SLMAP: variants seen among roughly 807,000 people sequenced by gnomAD.
SLMAP encodes the protein sarcolemma associated protein, also known as sarcolemmal membrane-associated protein.
A neutral mutation model predicts 128.8 loss-of-function variants in SLMAP; 44 were observed. The observed-to-expected ratio is 0.34, with a 90% CI of 0.27 to 0.44. The LOEUF (loss-of-function observed/expected upper bound fraction) is 0.44. Among genes scored for constraint, SLMAP ranks in the 20% least tolerant of loss-of-function variants. The pLI, the probability that SLMAP is intolerant of heterozygous loss-of-function variation, is 1.00. For synonymous variants in SLMAP, 327 were observed against 348.8 expected, an observed-to-expected ratio of 0.94 and a Z score of 0.70; for missense variants, 787 against 985.3, an observed-to-expected ratio of 0.80 and a Z score of 2.69.
intron 2 of SLMAP, among the ~76,000 whole-genome samples, chr3:57,789,124 A>G (rs183181248): frequency 2.0e-5 from 3 of 152,336 alleles, no homozygotes; most frequent in Admixed American, 1.3e-4. Context: ...TTATGTGTAA[A>G]TTGAAATCTT....
Position 57,854,953 on chromosome 3 carries a change from A to G in SLMAP, c.520-2780A>G, listed in dbSNP as rs1368692278. Among the ~76,000 whole-genome samples, 4 of 152,352 alleles carry G rather than the reference A, an allele frequency of 2.6e-5. No individual in the cohort carries two copies. The East Asian group carries it at 5.8e-4, about 22-fold the overall frequency. On this transcript the variant is annotated intron_variant, in intron 6 of 24. Coordinates refer to ENST00000671191, the MANE Select transcript of SLMAP (RefSeq NM_001377540.1). ...GTAGCCTATTACACACCTAGGCTAT[A>G]TAGTGTAGCCTATTGCTCCTAGGCT... is the stretch of plus-strand genomic sequence containing the variant.
chr3:57,831,169 C>T (rs1413989041), intron 2 of SLMAP, among the ~76,000 whole-genome samples: 1 of 151,974 alleles, frequency 6.6e-6, no homozygotes, highest in Non-Finnish European at 1.5e-5. Flanking sequence ...AGAGGTTGTA[C>T]CGTTTTATGT....
intron 6 of SLMAP, among the ~76,000 whole-genome samples, chr3:57,856,629 C>T (rs904570095): frequency 1.3e-5 from 2 of 152,064 alleles, no homozygotes; most frequent in African/African-American, 2.4e-5. Flanking sequence ...CTGGATACCT[C>T]CTAAAGGACC....
At chr3:57,916,548 T>G (rs1274908314) in intron 21 of SLMAP, among the ~76,000 whole-genome samples, 2 of 152,208 alleles carry the variant, frequency 1.3e-5, no homozygotes, top group Non-Finnish European at 2.9e-5. Flanking sequence ...GTATTTAAAC[T>G]TAAAAGAAAT....
intron 2 of SLMAP, among the ~76,000 whole-genome samples, chr3:57,807,414 GAT>G (rs1318157834): frequency 6.6e-6 from 1 of 152,180 alleles, no homozygotes; most frequent in East Asian, 1.9e-4. Flanking sequence ...CATTCAGTAT[GAT>G]ATTGGCTGTG....
intron 14 of SLMAP, among the ~76,000 whole-genome samples, chr3:57,888,527 G>C (rs889612041): frequency 4.6e-5 from 7 of 151,894 alleles, no homozygotes; most frequent in Admixed American, 3.9e-4. Context: ...CGAGGCAGGA[G>C]AATCATTTGA....
chr3:57,759,659 C>G (rs2078231562), intron 2 of SLMAP, among the ~76,000 whole-genome samples: 1 of 152,190 alleles, frequency 6.6e-6, no homozygotes, highest in Admixed American at 6.5e-5. Flanking sequence ...TAAGTAGTGC[C>G]TTAACTCAAC....
At chr3:57,913,546 TC>T (rs2096743860) in intron 21 of SLMAP, among the ~76,000 whole-genome samples, 1 of 152,120 alleles carries the variant, frequency 6.6e-6, no homozygotes, top group African/African-American at 2.4e-5. Context: ...ACAACAAAAG[TC>T]TGTAATTCAT....
intron 17 of SLMAP, chr3:57,898,899 C>G (rs1331492565): frequency 1.3e-5 from 2 of 152,056 alleles, no homozygotes; most frequent in Non-Finnish European, 2.9e-5. Context: ...CGAAAACCAA[C>G]TTTATAGGTT....
At chr3:57,815,172 C>T (rs1435602100) in intron 2 of SLMAP, among the ~76,000 whole-genome samples, 1 of 152,160 alleles carries the variant, frequency 6.6e-6, no homozygotes, top group Non-Finnish European at 1.5e-5. Context: ...TCACATGCAT[C>T]GTTCACAATA....
intron 13 of SLMAP, among the ~76,000 whole-genome samples, chr3:57,867,133 C>G (rs1012429488): frequency 5.3e-5 from 8 of 152,148 alleles, no homozygotes; most frequent in Admixed American, 4.6e-4. Context: ...GAGCCCAGAT[C>G]GTGCCACTGC....
In SLMAP at chr3:57,928,569, A is replaced by G. The variant is rs1347230685; in HGVS notation, c.*1280A>G. 1 of 152,216 alleles carries G rather than the reference A, an allele frequency of 6.6e-6. No individual in the cohort carries two copies. The highest frequency in any genetic ancestry group is 1.5e-5 in the Non-Finnish European group (1 of 68,024). 9.4% of individuals were successfully genotyped at this position (152,216 alleles called of 1,614,324 possible). A position where few individuals can be genotyped will look rare whatever the true frequency, so the allele number is the denominator to read the frequency against. ...ATATTATAAATTTAAAACACAAGTG[A>G]AAGTTTAGCCATGGTTTTGTGCGGC... On this transcript the variant is annotated 3_prime_UTR_variant, in exon 25 of 25. Transcript: ENST00000671191.
chr3:57,807,684 C>T (rs761626569), intron 2 of SLMAP, among the ~76,000 whole-genome samples: 71 of 152,266 alleles, frequency 4.7e-4, no homozygotes, highest in African/African-American at 7.2e-4. Flanking sequence ...CTGCTGGATT[C>T]GGTTTGCCAG....
intron 2 of SLMAP, among the ~76,000 whole-genome samples, chr3:57,822,198 A>C (rs562652125): frequency 2.2e-4 from 33 of 152,232 alleles, no homozygotes; most frequent in African/African-American, 7.9e-4. Context: ...AATTGGCTCT[A>C]TGTATTCTGA....
chr3:57,918,722 T>G (rs1186972192), intron 22 of SLMAP, among the ~76,000 whole-genome samples: 1 of 152,226 alleles, frequency 6.6e-6, no homozygotes, highest in Non-Finnish European at 1.5e-5. Flanking sequence ...TATTGCCTTT[T>G]ATTGATGCAC....
chr3:57,777,771 A>G (rs1263454583), intron 2 of SLMAP, among the ~76,000 whole-genome samples: 2 of 152,244 alleles, frequency 1.3e-5, no homozygotes, highest in Non-Finnish European at 2.9e-5. Context: ...GCAGCAATAA[A>G]CAAATGCTCA....
chr3:57,843,062 G>A lies in SLMAP; in HGVS notation c.419+1691G>A, dbSNP rs920692240. 2.0e-5 allele frequency among the ~76,000 whole-genome samples: 3 copies of A among 152,102 alleles called. No homozygotes were observed. The South Asian group carries it at 6.2e-4, about 32-fold the overall frequency. ...TGGCATAGTACTTGGCATATAATAA[G>A]CACACAATAAACTTTAGCTGTTTCT... On this transcript the variant is annotated intron_variant, in intron 4 of 24. Coordinates refer to ENST00000671191, the MANE Select transcript of SLMAP (RefSeq NM_001377540.1).
At chr3:57,760,878 C>A (rs929331019) in intron 2 of SLMAP, among the ~76,000 whole-genome samples, 1 of 152,070 alleles carries the variant, frequency 6.6e-6, no homozygotes, top group African/African-American at 2.4e-5. Context: ...CAGGCATGCG[C>A]CACCACGCGT....
chr3:57,792,268 C>T lies in SLMAP; in HGVS notation c.198+34419C>T, dbSNP rs536128082. Among the ~76,000 whole-genome samples the T allele has an allele frequency of 2.6e-4, 40 of 152,018 alleles. No homozygotes were observed. In the South Asian group the frequency reaches 6.2e-3, roughly 24 times the overall value. On this transcript the variant is annotated intron_variant, in intron 2 of 24. Coordinates refer to ENST00000671191, the MANE Select transcript of SLMAP (RefSeq NM_001377540.1). ...AAGTAAGAGCAATGTCTATCTTCTT[C>T]TCCAAGTAAACTTATAAGTAAATTA...
Sources: allele counts gnomAD v4.1 joint callset (sites outside exome capture counted in the v4.1 genomes callset), GRCh38; gene constraint gnomAD v4.1.1; transcripts MANE v1.5; gene names NCBI Gene and HGNC (gene_info 2026-07-23, HGNC 2026-07-21).